MAD1L1: variants seen among roughly 807,000 people sequenced by gnomAD.
The protein encoded by MAD1L1 is mitotic arrest deficient 1 like 1, also known as mitotic spindle assembly checkpoint protein MAD1.
A neutral mutation model predicts 96.9 loss-of-function variants in MAD1L1; 95 were observed. The observed-to-expected ratio is 0.98, with a 90% CI of 0.83 to 1.16. MAD1L1 has a LOEUF of 1.16. Among genes scored for constraint, MAD1L1 ranks in the 50% most tolerant of loss-of-function variants. MAD1L1 has a pLI of 0.00. For missense variants in MAD1L1, 1,007 were observed against 954.4 expected (o/e 1.06, Z -0.73); for synonymous variants, 473 against 396.6 (o/e 1.19, Z -2.29).
intron 11 of MAD1L1, among the ~76,000 whole-genome samples, chr7:2,111,321 C>A (rs73038493): frequency 1.3e-5 from 2 of 152,212 alleles, no homozygotes; most frequent in African/African-American, 4.8e-5. Flanking sequence ...GGCTGCCCAG[C>A]CCCCAGTCCC....
intron 18 of MAD1L1, among the ~76,000 whole-genome samples, chr7:1,850,971 G>A (rs567268741): frequency 7.2e-5 from 11 of 152,322 alleles, no homozygotes; most frequent in African/African-American, 2.6e-4. Context: ...GCCTGGCGTC[G>A]CGTCCGTGGG....
At chr7:2,178,171 A>C (rs73039275) in intron 10 of MAD1L1, among the ~76,000 whole-genome samples, 4,005 of 152,294 alleles carry the variant, frequency 0.026, 91 homozygotes, top group South Asian at 0.073. Flanking sequence ...ACCTACAACA[A>C]TTTGTTGAAC....
At chr7:1,917,192 T>C (rs554242087) in intron 17 of MAD1L1, among the ~76,000 whole-genome samples, 2 of 152,304 alleles carry the variant, frequency 1.3e-5, no homozygotes, top group African/African-American at 4.8e-5. Context: ...CAGTGTGGGC[T>C]TGGCGCTGGG....
At chr7:1,849,087 C>CACACACATACACGT (rs1378441726) in intron 18 of MAD1L1, 1 of 71,406 alleles carries the variant, frequency 1.4e-5, no homozygotes, top group Non-Finnish European at 3.0e-5. Flanking sequence ...TGCACATGCA[C>CACACACATACACGT]GGACACATGC....
At chr7:1,907,559 G>A (rs1042591803) in intron 17 of MAD1L1, among the ~76,000 whole-genome samples, 2 of 152,206 alleles carry the variant, frequency 1.3e-5, no homozygotes, top group Non-Finnish European at 2.9e-5. Context: ...CACTGATGAC[G>A]CCGCCACGGG....
At chr7:2,004,928 A>G (rs561713540) in intron 13 of MAD1L1, among the ~76,000 whole-genome samples, 1 of 152,338 alleles carries the variant, frequency 6.6e-6, no homozygotes, top group East Asian at 1.9e-4. Context: ...GAGATTTCTG[A>G]TACATCCTCA....
chr7:1,892,284 T>C lies in MAD1L1; in HGVS notation c.1998+5916A>G, dbSNP rs6965484. The stretch of plus-strand genomic sequence containing the variant: ...CACGGCCCAGGCTCGTACAAGTCAT[T>C]CTAGGAAGTTCCCGCAAAGACAACA... On this transcript the variant is annotated intron_variant, in intron 18 of 18. Coordinates refer to ENST00000265854, the MANE Select transcript of MAD1L1 (RefSeq NM_001013836.2). Among the ~76,000 whole-genome samples the C allele has an allele frequency of 9.5e-3, 1,447 of 152,160 alleles. 21 individuals are homozygous for C. The highest frequency in any genetic ancestry group is 0.033 in the African/African-American group (1,353 of 41,492).
rs1455864931 is a variant in MAD1L1, at chr7:2,174,801, C to A, written c.987-25563G>T. On this transcript the variant is annotated intron_variant, in intron 10 of 18. Transcript: ENST00000265854. ...CACTGAGGATGCTTATGAGAGGTTT[C>A]TTCCTGGAAGTTTTATCCTTGCATA... Among the ~76,000 whole-genome samples, 6 of 152,304 alleles carry A rather than the reference C, an allele frequency of 3.9e-5. No homozygotes were observed. In the East Asian group the frequency reaches 1.2e-3, roughly 29 times the overall value.
chr7:1,975,041 C>T (rs972762008), intron 15 of MAD1L1, among the ~76,000 whole-genome samples: 1 of 152,254 alleles, frequency 6.6e-6, no homozygotes, highest in African/African-American at 2.4e-5. Context: ...CTGTCGCTAC[C>T]GGCAGCCAGG....
chr7:1,827,492 AGCCCG>A (rs1562431658), intron 18 of MAD1L1, among the ~76,000 whole-genome samples: 13 of 133,840 alleles, frequency 9.7e-5, no homozygotes, highest in Non-Finnish European at 1.9e-4. Flanking sequence ...TCCCCTCCTG[AGCCCG>A]TCCCGGGTGT....
intron 17 of MAD1L1, among the ~76,000 whole-genome samples, chr7:1,902,281 T>C (rs772137887): frequency 2.6e-5 from 4 of 152,164 alleles, no homozygotes; most frequent in Non-Finnish European, 4.4e-5. Flanking sequence ...TTTACAGTAC[T>C]GAGGGCCGGG....
rs1276546521 is a variant in MAD1L1 at position 2,217,888 on chromosome 7, G to C, written c.678+74C>G. Reference sequence around the variant, plus strand: ...GACCACGGAGCTCGGCACCAGCGCAGAAAGGCCGACAGGGGCAGGAGAGTC... The same window carrying C: ...GACCACGGAGCTCGGCACCAGCGCACAAAGGCCGACAGGGGCAGGAGAGTC... On this transcript the variant is annotated intron_variant, in intron 7 of 18. Coordinates refer to ENST00000265854, the MANE Select transcript of MAD1L1 (RefSeq NM_001013836.2). 4 of 1,310,578 alleles carry C rather than the reference G, an allele frequency of 3.1e-6. No homozygotes were observed. The East Asian group carries it at 9.3e-5, about 30-fold the overall frequency. 81.2% of individuals were successfully genotyped at this position (1,310,578 alleles called of 1,614,324 possible).
At chr7:1,932,529 T>C (rs1220375799) in intron 17 of MAD1L1, among the ~76,000 whole-genome samples, 1 of 152,218 alleles carries the variant, frequency 6.6e-6, no homozygotes, top group Non-Finnish European at 1.5e-5. Context: ...GAGATGCAGG[T>C]CACTCTGCTA....
chr7:2,102,764 T>C lies in MAD1L1; in HGVS notation c.1074-33426A>G, dbSNP rs577392898. Among the ~76,000 whole-genome samples the C allele has an allele frequency of 5.9e-4, 88 of 149,912 alleles. 1 individual carries two copies. Among genetic ancestry groups the C allele is most frequent in the African/African-American group, 2.0e-3 (79 of 40,474 alleles). On this transcript the variant is annotated intron_variant, in intron 11 of 18. Transcript: ENST00000265854. ...ACTGTCACCATCAGTGACACCACGGTCACCGCCACCCTCGCACCATCATGG... is the reference window on the plus strand; with the variant it reads ...ACTGTCACCATCAGTGACACCACGGCCACCGCCACCCTCGCACCATCATGG...
chr7:2,183,484 A>G (rs1335054220), intron 10 of MAD1L1, among the ~76,000 whole-genome samples: 2 of 152,234 alleles, frequency 1.3e-5, no homozygotes, highest in African/African-American at 4.8e-5. Flanking sequence ...TCACAATAGC[A>G]AAGACTTGGA....
At chr7:1,947,755 G>A (rs1583884487) in intron 16 of MAD1L1, among the ~76,000 whole-genome samples, 1 of 152,246 alleles carries the variant, frequency 6.6e-6, no homozygotes, top group South Asian at 2.1e-4. Context: ...CCAGGCGAGG[G>A]TCACACCTCC....
At chr7:2,226,165 G>A (rs568070113) in intron 3 of MAD1L1, among the ~76,000 whole-genome samples, 3 of 152,222 alleles carry the variant, frequency 2.0e-5, no homozygotes, top group Non-Finnish European at 4.4e-5. Flanking sequence ...AAGCCCACCA[G>A]GGAGTGGATC....
chr7:2,008,549 G>A (rs1316380948), intron 13 of MAD1L1, among the ~76,000 whole-genome samples: 1 of 152,250 alleles, frequency 6.6e-6, no homozygotes, highest in African/African-American at 2.4e-5. Context: ...ATGCGGAGAT[G>A]GTGGGATGGA....
chr7:1,825,260 C>CT (rs1782331455), intron 18 of MAD1L1, among the ~76,000 whole-genome samples: 1 of 152,254 alleles, frequency 6.6e-6, no homozygotes, highest in Admixed American at 6.5e-5. Context: ...ATCTGCCCGT[C>CT]TGCCTGGAGT....
Sources: gnomAD v4.1 joint callset for allele counts (sites outside exome capture counted in the v4.1 genomes callset) on GRCh38, gnomAD v4.1.1 for gene constraint, MANE v1.5 for transcripts, NCBI Gene and HGNC (gene_info 2026-07-23, HGNC 2026-07-21) for gene names.